ASAP1: variants seen among roughly 807,000 people sequenced by gnomAD.
The protein encoded by ASAP1 is ArfGAP with SH3 domain, ankyrin repeat and PH domain 1.
In ASAP1, 43 loss-of-function variants were observed where a neutral mutation model predicts 145.2. The observed-to-expected ratio is 0.30, with a 90% CI of 0.23 to 0.38. ASAP1 has a LOEUF of 0.38. ASAP1 is among the 10% of genes least tolerant of loss of function. The pLI is 1.00. For synonymous variants in ASAP1, 546 were observed against 515.5 expected (o/e 1.06, Z -0.80); for missense variants, 1,018 against 1,355.3 (o/e 0.75, Z 3.91).
chr8:130,199,174 T>TG (rs1456344446), intron 5 of ASAP1, among the ~76,000 whole-genome samples: 1 of 152,178 alleles, frequency 6.6e-6, no homozygotes, highest in Non-Finnish European at 1.5e-5. Context: ...CAATTATCCG[T>TG]GTGTTCCTTT....
At chr8:130,066,674 A>G (rs2097431570) in intron 27 of ASAP1, among the ~76,000 whole-genome samples, 1 of 151,226 alleles carries the variant, frequency 6.6e-6, no homozygotes, top group Admixed American at 6.6e-5. Flanking sequence ...TAGTTCCTAT[A>G]CCTACCAACT....
chr8:130,177,358 A>T (rs113458272), intron 9 of ASAP1, among the ~76,000 whole-genome samples: 2,335 of 152,392 alleles, frequency 0.015, 63 homozygotes, highest in African/African-American at 0.052. Context: ...GTGAAAATAG[A>T]TTTCTAAAGT....
At chr8:130,160,798 G>T in intron 11 of ASAP1, 1 of 1,283,848 alleles carries the variant, frequency 7.8e-7, no homozygotes, top group Non-Finnish European at 1.0e-6. Context: ...CCTAGACTTC[G>T]ATCAGGAAGG....
chr8:130,118,491 G>C lies in ASAP1; in HGVS notation c.1792C>G (p.Gln598Glu). 6.2e-7 allele frequency: 1 copy of C among 1,603,688 alleles called. No individual in the cohort carries two copies. Among genetic ancestry groups the C allele is most frequent in the Non-Finnish European group, 8.5e-7 (1 of 1,174,184 alleles). ...ELMEPLLEPG[Q>E]ELGETALHLA... is the part of the protein sequence containing the mutation. Reference sequence around the variant, plus strand: ...CAATGATTTTAGTGAGGCCTTACCTGCCCAGGTTCCAGCAGTGGTTCCATT... The same window carrying C: ...CAATGATTTTAGTGAGGCCTTACCTCCCCAGGTTCCAGCAGTGGTTCCATT... The change falls in exon 19 of 30, where the codon CAG becomes GAG. Residue 598 changes from glutamine to glutamate, a missense_variant and splice_region_variant. Transcript: ENST00000518721.
At chr8:130,372,760 T>G (rs1268923441) in intron 2 of ASAP1, among the ~76,000 whole-genome samples, 1 of 152,232 alleles carries the variant, frequency 6.6e-6, no homozygotes, top group Non-Finnish European at 1.5e-5. Flanking sequence ...TGGTTTTATT[T>G]TCTGTTACAG....
intron 3 of ASAP1, among the ~76,000 whole-genome samples, chr8:130,260,289 G>A (rs1236884081): frequency 6.6e-6 from 1 of 152,078 alleles, no homozygotes; most frequent in Non-Finnish European, 1.5e-5. Flanking sequence ...TGTGCACTCT[G>A]ATTGTTGGGC....
chr8:130,068,686 T>C (rs1238465793), intron 27 of ASAP1, among the ~76,000 whole-genome samples: 2 of 152,202 alleles, frequency 1.3e-5, no homozygotes, highest in African/African-American at 2.4e-5. Context: ...GTGGAACAGA[T>C]AAAAGCCACT....
intron 1 of ASAP1, among the ~76,000 whole-genome samples, chr8:130,406,042 C>G (rs1224423925): frequency 3.3e-5 from 5 of 152,082 alleles, no homozygotes; most frequent in African/African-American, 9.7e-5. Context: ...AATACTGTTC[C>G]TATACTAAGG....
intron 3 of ASAP1, among the ~76,000 whole-genome samples, chr8:130,247,612 T>C (rs1451877638): frequency 6.6e-6 from 1 of 152,124 alleles, no homozygotes; most frequent in Non-Finnish European, 1.5e-5. Flanking sequence ...CAGGAGGCTC[T>C]ATGTAAAACA....
At chr8:130,171,085 T>C (rs371695424) in intron 9 of ASAP1, among the ~76,000 whole-genome samples, 3 of 152,184 alleles carry the variant, frequency 2.0e-5, no homozygotes, top group South Asian at 2.1e-4. Flanking sequence ...CTTCTCAGTA[T>C]AGAATTTTAA....
chr8:130,128,642 CATG>C (rs1438672609), intron 15 of ASAP1, among the ~76,000 whole-genome samples: 5 of 152,118 alleles, frequency 3.3e-5, no homozygotes, highest in East Asian at 1.9e-4. Context: ...AACATGGAAA[CATG>C]ATGACATTTA....
intron 5 of ASAP1, among the ~76,000 whole-genome samples, chr8:130,203,516 T>C (rs989987509): frequency 2.0e-5 from 3 of 152,142 alleles, no homozygotes; most frequent in South Asian, 2.1e-4. Flanking sequence ...CCATGGTATG[T>C]GGAGGTGAGG....
chr8:130,156,971 T>G (rs1183021379), intron 12 of ASAP1, among the ~76,000 whole-genome samples: 2 of 152,232 alleles, frequency 1.3e-5, no homozygotes, highest in Non-Finnish European at 2.9e-5. Flanking sequence ...GGGAGAGTAG[T>G]GTTAAAAAAT....
intron 1 of ASAP1, among the ~76,000 whole-genome samples, chr8:130,436,204 TA>T: frequency 1.3e-5 from 2 of 152,358 alleles, no homozygotes; most frequent in Middle Eastern, 6.8e-3. Flanking sequence ...TAAGAATTTC[TA>T]AAAGTAAAAT....
intron 1 of ASAP1, among the ~76,000 whole-genome samples, chr8:130,431,720 C>A (rs1830139866): frequency 6.6e-6 from 1 of 151,858 alleles, no homozygotes; most frequent in African/African-American, 2.4e-5. Context: ...CATGTCTGGC[C>A]CCCATTCATA....
intron 24 of ASAP1, among the ~76,000 whole-genome samples, chr8:130,098,707 T>A (rs2097523432): frequency 1.3e-5 from 2 of 152,196 alleles, no homozygotes; most frequent in Admixed American, 1.3e-4. Context: ...GATATTTCAA[T>A]ACATGTGTAT....
chr8:130,212,558 A>G (rs991203628), intron 5 of ASAP1, among the ~76,000 whole-genome samples: 11 of 152,006 alleles, frequency 7.2e-5, no homozygotes, highest in African/African-American at 2.7e-4. Flanking sequence ...TGAACAAGTT[A>G]TATATCTCAA....
intron 3 of ASAP1, among the ~76,000 whole-genome samples, chr8:130,284,502 C>A (rs1821473787): frequency 6.6e-6 from 1 of 151,958 alleles, no homozygotes; most frequent in Non-Finnish European, 1.5e-5. Context: ...GGAAAGTGAG[C>A]TATGAGGGCT....
At chr8:130,317,039 T>C (rs181053128) in intron 3 of ASAP1, among the ~76,000 whole-genome samples, 35 of 152,080 alleles carry the variant, frequency 2.3e-4, no homozygotes, top group African/African-American at 8.5e-4. Context: ...TTTGGTACAT[T>C]ATACACCTTG....
Sources: allele counts gnomAD v4.1 joint callset (sites outside exome capture counted in the v4.1 genomes callset), GRCh38; gene constraint gnomAD v4.1.1; transcripts MANE v1.5; gene names NCBI Gene and HGNC (gene_info 2026-07-23, HGNC 2026-07-21).